Variants in CNTNAP2 observed in about 807,000 individuals in gnomAD.
CNTNAP2 encodes contactin associated protein 2.
CNTNAP2 carries 98 observed loss-of-function variants against 155.2 expected under a neutral mutation model. The observed-to-expected ratio is 0.63, with a 90% CI of 0.54 to 0.75. CNTNAP2 has a LOEUF of 0.75. Among genes scored for constraint, CNTNAP2 ranks in the 30% least tolerant of loss-of-function variants. The probability of loss-of-function intolerance (pLI) is 0.00; values close to 1 mark genes in which losing one functional copy is unlikely to be tolerated. For missense variants in CNTNAP2, 1,727 were observed against 1,688.1 expected, an observed-to-expected ratio of 1.02 and a Z score of -0.40; for synonymous variants, 651 against 631.2, an observed-to-expected ratio of 1.03 and a Z score of -0.47.
chr7:147,940,741 C>A (rs1800706467), intron 14 of CNTNAP2, among the ~76,000 whole-genome samples: 1 of 151,972 alleles, frequency 6.6e-6, no homozygotes, highest in Non-Finnish European at 1.5e-5. Flanking sequence ...TCCCTGTTGC[C>A]CAGGATGGTT....
intron 1 of CNTNAP2, among the ~76,000 whole-genome samples, chr7:146,508,650 T>G (rs1797420558): frequency 6.6e-6 from 1 of 152,204 alleles, no homozygotes; most frequent in Non-Finnish European, 1.5e-5. Context: ...ACCAGTTTCC[T>G]AATCAAACAC....
At chr7:147,686,284 A>C (rs1796017022) in intron 13 of CNTNAP2, among the ~76,000 whole-genome samples, 1 of 152,010 alleles carries the variant, frequency 6.6e-6, no homozygotes, top group Non-Finnish European at 1.5e-5. Flanking sequence ...AAGGTATTTG[A>C]TTTGAGCAAG....
At chr7:148,090,350 C>A (rs1049153925) in intron 15 of CNTNAP2, among the ~76,000 whole-genome samples, 1 of 152,032 alleles carries the variant, frequency 6.6e-6, no homozygotes, top group Non-Finnish European at 1.5e-5. Context: ...TATTCACAAA[C>A]CATACCTCTG....
chr7:148,375,647 C>A (rs1429015473), intron 21 of CNTNAP2, among the ~76,000 whole-genome samples: 2 of 151,584 alleles, frequency 1.3e-5, no homozygotes, highest in Non-Finnish European at 2.9e-5. Context: ...GCGTAAGCCA[C>A]CATGCCCGGC....
rs183881297 is a variant in CNTNAP2 at position 147,144,128 on chromosome 7, G to A, written c.1348+11619G>A. On this transcript the variant is annotated intron_variant, in intron 8 of 23. Transcript: ENST00000361727. ...AACAGAGACTGTCCCTTTATTGTGG[G>A]AGTCTAGTCTGACTTGCTTTGTTAA... is the stretch of plus-strand genomic sequence containing the variant. Among the ~76,000 whole-genome samples, 76 of 152,224 alleles carry A rather than the reference G, an allele frequency of 5.0e-4. 1 individual carries two copies. The highest frequency in any genetic ancestry group is 2.6e-3 in the Admixed American group (40 of 15,298).
chr7:147,335,645 C>T (rs970835772), intron 9 of CNTNAP2, among the ~76,000 whole-genome samples: 2 of 152,054 alleles, frequency 1.3e-5, no homozygotes, highest in Non-Finnish European at 2.9e-5. Flanking sequence ...CGATCAAAGC[C>T]ACCAAATGAA....
At chr7:147,922,904 T>A (rs1800309584) in intron 14 of CNTNAP2, among the ~76,000 whole-genome samples, 2 of 152,162 alleles carry the variant, frequency 1.3e-5, no homozygotes, top group Admixed American at 1.3e-4. Flanking sequence ...ACTATCAACA[T>A]ACAAAGAACA....
chr7:146,495,215 T>G (rs916130481), intron 1 of CNTNAP2, among the ~76,000 whole-genome samples: 12 of 152,182 alleles, frequency 7.9e-5, no homozygotes, highest in Non-Finnish European at 1.5e-4. Context: ...TGTATCTGGA[T>G]CCAAGGGAGA....
At chr7:147,110,825 G>A (rs1289246094) in intron 5 of CNTNAP2, among the ~76,000 whole-genome samples, 35 of 152,108 alleles carry the variant, frequency 2.3e-4, no homozygotes, top group Non-Finnish European at 5.9e-5. Context: ...GAATAGTGCT[G>A]CAATGAACAT....
chr7:146,369,678 A>G (rs550854264), intron 1 of CNTNAP2, among the ~76,000 whole-genome samples: 2 of 152,310 alleles, frequency 1.3e-5, no homozygotes, highest in African/African-American at 4.8e-5. Flanking sequence ...GCATATGTTT[A>G]AAAGCTACTT....
intron 13 of CNTNAP2, among the ~76,000 whole-genome samples, chr7:147,657,894 CTT>C (rs1259085965): frequency 6.6e-6 from 1 of 152,154 alleles, no homozygotes; most frequent in Non-Finnish European, 1.5e-5. Flanking sequence ...GGAAAAGAAA[CTT>C]GACTTGCTGC....
intron 13 of CNTNAP2, among the ~76,000 whole-genome samples, chr7:147,774,163 T>C (rs1584948262): frequency 6.6e-6 from 1 of 152,180 alleles, no homozygotes; most frequent in South Asian, 2.1e-4. Flanking sequence ...TAATGCTATC[T>C]GGCAGGGTAT....
chr7:146,632,900 T>G (rs578126356), intron 1 of CNTNAP2, among the ~76,000 whole-genome samples: 2 of 151,652 alleles, frequency 1.3e-5, no homozygotes, highest in East Asian at 3.9e-4. Flanking sequence ...TTGTAAATGA[T>G]GTGGTCGCTT....
chr7:148,004,219 A>T (rs987145967), intron 15 of CNTNAP2, among the ~76,000 whole-genome samples: 1 of 152,190 alleles, frequency 6.6e-6, no homozygotes, highest in African/African-American at 2.4e-5. Flanking sequence ...AAATATTCCA[A>T]TATCTCAAAT....
chr7:147,392,709 A>T (rs1205633177), intron 9 of CNTNAP2, among the ~76,000 whole-genome samples: 2 of 152,068 alleles, frequency 1.3e-5, no homozygotes, highest in African/African-American at 4.8e-5. Context: ...ATGACTGAGT[A>T]GTATTCCATT....
rs149618628 is a variant in CNTNAP2, at chr7:147,617,298, T to G, written c.1898-21808T>G. Reference sequence around the variant, plus strand: ...TTTAGCACTTGTTTCTATTTTGTAGTCTTAAGCTTAATGTCCTCTAACTGC... The same window carrying G: ...TTTAGCACTTGTTTCTATTTTGTAGGCTTAAGCTTAATGTCCTCTAACTGC... On this transcript the variant is annotated intron_variant, in intron 12 of 23. Transcript: ENST00000361727. Among the ~76,000 whole-genome samples the G allele has an allele frequency of 2.6e-3, 392 of 152,260 alleles. 2 individuals carry two copies. The highest frequency in any genetic ancestry group is 9.0e-3 in the African/African-American group (376 of 41,564).
At chr7:146,982,090 C>G (rs1798029121) in intron 3 of CNTNAP2, among the ~76,000 whole-genome samples, 1 of 152,072 alleles carries the variant, frequency 6.6e-6, no homozygotes, top group African/African-American at 2.4e-5. Flanking sequence ...TTGATTTTCC[C>G]TCACCATTTA....
intron 15 of CNTNAP2, among the ~76,000 whole-genome samples, chr7:147,992,564 C>T (rs1261745885): frequency 6.6e-6 from 1 of 152,176 alleles, no homozygotes; most frequent in Non-Finnish European, 1.5e-5. Flanking sequence ...AAAGGGGACT[C>T]CTGTGTCCCA....
At chr7:147,284,603 C>T (rs1181416240) in intron 8 of CNTNAP2, among the ~76,000 whole-genome samples, 1 of 151,752 alleles carries the variant, frequency 6.6e-6, no homozygotes. Flanking sequence ...TAATCAAATG[C>T]CTATCACATT....
Sources: gnomAD v4.1 joint callset for allele counts (sites outside exome capture counted in the v4.1 genomes callset) on GRCh38, gnomAD v4.1.1 for gene constraint, MANE v1.5 for transcripts, NCBI Gene and HGNC (gene_info 2026-07-23, HGNC 2026-07-21) for gene names.